Variants in ZNF334 observed in about 807,000 individuals in gnomAD.
ZNF334 encodes the protein zinc finger protein 334.
In ZNF334, 14 loss-of-function variants were observed where a neutral mutation model predicts 12.4. The observed-to-expected ratio is 1.13, with a 90% CI of 0.74 to 1.76. The LOEUF is 1.76. Ranked by LOEUF, ZNF334 falls within the 40% of genes most tolerant of loss-of-function variation. ZNF334 has a pLI of 0.00. For missense variants in ZNF334, 797 were observed against 804.5 expected (o/e 0.99, Z 0.11); for synonymous variants, 273 against 269.6 (o/e 1.01, Z -0.12).
At chr20:46,510,425 A>G (rs2061602088) in intron 2 of ZNF334, among the ~76,000 whole-genome samples, 2 of 152,084 alleles carry the variant, frequency 1.3e-5, no homozygotes, top group South Asian at 4.2e-4. Flanking sequence ...GAGGAAAAGG[A>G]GAATTAAGAT....
At chr20:46,488,419 T>TTATTTATATATATA in the ZNF334 span, among the ~76,000 whole-genome samples, 56 of 102,228 alleles carry the variant, frequency 5.5e-4, 1 homozygote, top group Non-Finnish European at 9.0e-4. Flanking sequence ...AGCTCTTATT[T>TTATTTATATATATA]TATATATATA....
At chr20:46,473,665 T>C in the ZNF334 span, among the ~76,000 whole-genome samples, 1 of 152,220 alleles carries the variant, frequency 6.6e-6, no homozygotes, top group Admixed American at 6.5e-5. Flanking sequence ...ATTATCTAAA[T>C]ACAGACTCCT....
At chr20:46,505,357 T>C (rs553247748) in intron 2 of ZNF334, 5 of 152,456 alleles carry the variant, frequency 3.3e-5, no homozygotes, top group African/African-American at 9.6e-5. Flanking sequence ...AAAACATTCT[T>C]GCATATACGC....
At chr20:46,504,947 G>A in intron 2 of ZNF334, 2 of 434,734 alleles carry the variant, frequency 4.6e-6, no homozygotes, top group Non-Finnish European at 8.0e-6. Flanking sequence ...ATGTCCTGGA[G>A]CTATTCCAAT....
Position 46,501,217 on chromosome 20 carries a change from C to G in ZNF334, c.*79G>C. 1 of 1,525,734 alleles carries G rather than the reference C, an allele frequency of 6.6e-7. No homozygotes were observed. The highest frequency in any genetic ancestry group is 8.8e-7 in the Non-Finnish European group (1 of 1,138,032). The allele number at this position is 1,525,734 out of a possible 1,614,324, so 94.5% of individuals were successfully genotyped here. A position where few individuals can be genotyped will look rare whatever the true frequency, so the allele number is the denominator to read the frequency against. ...TCATTACATTTATAAGATTTTACTC[C>G]TCTATACATACTCACAGTTTAGCAT... On this transcript the variant is annotated 3_prime_UTR_variant, in exon 5 of 5. Transcript: ENST00000692313.
chr20:46,492,386 T>C, the ZNF334 span: 1 of 153,252 alleles, frequency 6.5e-6, no homozygotes, highest in Admixed American at 6.5e-5. Context: ...AGGGAGGCCC[T>C]TTACATGTAA....
At chr20:46,486,930 T>C in the ZNF334 span, among the ~76,000 whole-genome samples, 8 of 152,218 alleles carry the variant, frequency 5.3e-5, no homozygotes, top group Non-Finnish European at 1.2e-4. Flanking sequence ...ACTATTCAGC[T>C]TTTTTGAATT....
Position 46,504,306 on chromosome 20 carries a change from C to T in ZNF334, c.149G>A (p.Gly50Glu), listed in dbSNP as rs2061355544. 1.9e-6 allele frequency: 3 copies of T among 1,612,696 alleles called. No individual in the cohort carries two copies. Among genetic ancestry groups the T allele is most frequent in the Non-Finnish European group, 2.5e-6 (3 of 1,179,080 alleles). Residue 50 changes from glycine to glutamate, a missense_variant and splice_region_variant, in exon 4 of 5, where the codon GGG becomes GAG. Coordinates refer to ENST00000692313, the MANE Select transcript of ZNF334 (RefSeq NM_001353824.2). ...LENYSNLVSV[G>E]YHVSKPDVIF... ...CACATCTGGTTTGCTAACATGATAC[C>T]CTGTTAATGGGAAATTACAGAACTT...
At chr20:46,480,671 G>A in the ZNF334 span, among the ~76,000 whole-genome samples, 1 of 152,182 alleles carries the variant, frequency 6.6e-6, no homozygotes, top group African/African-American at 2.4e-5. Context: ...CAAAAGAGCT[G>A]AATCCTGCAG....
chr20:46,502,306 CTG>C lies in ZNF334; in HGVS notation c.1031_1032del (p.Thr344ArgfsTer34). ...SALAEHFRSHTGEKPYECKEC... is the reference protein window; with the variant it reads ...SALAEHFRSHXGEKPYECKEC... The stretch of plus-strand genomic sequence containing the variant: ...TCCTTGCATTCGTAAGGCTTCTCCC[CTG>C]TGTGTGACCTGAAATGTTCAGCCAG... On this transcript the variant is annotated frameshift_variant, in exon 5 of 5. Transcript: ENST00000692313. LOFTEE classifies it low-confidence loss of function (END_TRUNC). The C allele has an allele frequency of 1.2e-6, 2 of 1,613,892 alleles. No individual in the cohort carries two copies. The highest frequency in any genetic ancestry group is 1.7e-6 in the Non-Finnish European group (2 of 1,179,856).
At chr20:46,510,922 C>T (rs1039276838) in intron 2 of ZNF334, among the ~76,000 whole-genome samples, 1 of 151,880 alleles carries the variant, frequency 6.6e-6, no homozygotes, top group African/African-American at 2.4e-5. Context: ...GACATCCTTA[C>T]AGAGATGTTC....
Position 46,502,064 on chromosome 20 carries a change from T to G in ZNF334, c.1275A>C (p.Arg425Ser). 6.2e-7 allele frequency: 1 copy of G among 1,614,216 alleles called. No homozygotes were observed. Among genetic ancestry groups the G allele is most frequent in the Non-Finnish European group, 8.5e-7 (1 of 1,180,030 alleles). ...FCQSALNVHR[R>S]SHTGEKPYEC... The stretch of plus-strand genomic sequence containing the variant: ...CATAGGGCTTCTCTCCTGTATGACT[T>G]CTTCGATGCACATTGAGGGCAGATT... The change falls in exon 5 of 5, where the codon AGA (arginine) becomes AGC (serine). Residue 425 changes from arginine (R) to serine (S), a missense_variant. Arg to Ser is a moderately radical substitution (Grantham distance 110). Transcript: ENST00000692313.
the ZNF334 span, among the ~76,000 whole-genome samples, chr20:46,473,942 G>A: frequency 6.6e-6 from 1 of 152,222 alleles, no homozygotes; most frequent in African/African-American, 2.4e-5. Flanking sequence ...CCAGAATGCA[G>A]AGGGACTGGT....
downstream of ZNF334, among the ~76,000 whole-genome samples, chr20:46,498,756 A>G (rs1469477666): frequency 6.6e-6 from 1 of 152,216 alleles, no homozygotes; most frequent in Non-Finnish European, 1.5e-5. Context: ...CCTTATTTGG[A>G]AATAGGATTG....
the ZNF334 span, among the ~76,000 whole-genome samples, chr20:46,480,498 A>C: frequency 1.3e-5 from 2 of 152,150 alleles, no homozygotes; most frequent in Non-Finnish European, 2.9e-5. Context: ...TCAGAGATTG[A>C]AGTGGAAAGA....
chr20:46,508,576 C>T (rs565816183), intron 2 of ZNF334, among the ~76,000 whole-genome samples: 2 of 152,326 alleles, frequency 1.3e-5, no homozygotes, highest in Non-Finnish European at 2.9e-5. Context: ...AAATGCAGAC[C>T]ACCATCGTTC....
chr20:46,488,524 T>C, the ZNF334 span, among the ~76,000 whole-genome samples: 1 of 150,614 alleles, frequency 6.6e-6, no homozygotes, highest in African/African-American at 2.4e-5. Flanking sequence ...CCACAATACA[T>C]TATTTGTGTT....
the ZNF334 span, among the ~76,000 whole-genome samples, chr20:46,483,274 T>A: frequency 1.1e-3 from 166 of 151,274 alleles, 1 homozygote; most frequent in Non-Finnish European, 2.1e-3. Flanking sequence ...TAGGCATTTG[T>A]CTAGTCTGCA....
At chr20:46,463,970 C>A in the ZNF334 span, 1 of 599,374 alleles carries the variant, frequency 1.7e-6, no homozygotes, top group South Asian at 1.4e-5. Flanking sequence ...GTCAGTTCAT[C>A]GTCCCCATCT....
Sources: gnomAD v4.1 joint callset for allele counts (sites outside exome capture counted in the v4.1 genomes callset) on GRCh38, gnomAD v4.1.1 for gene constraint, MANE v1.5 for transcripts, NCBI Gene and HGNC (gene_info 2026-07-23, HGNC 2026-07-21) for gene names.